The following TRHDE variants were observed in gnomAD, a reference collection of about 807,000 sequenced individuals.
TRHDE encodes the protein thyrotropin releasing hormone degrading enzyme, also known as thyrotropin-releasing hormone-degrading ectoenzyme.
Under a neutral mutation model 125.7 loss-of-function variants are expected in TRHDE, and 72 were observed. The ratio of observed to expected loss-of-function variants is 0.57; its 90% CI spans 0.47 to 0.70. The LOEUF is 0.70. Ranked by LOEUF, TRHDE falls within the 30% of genes least tolerant of loss-of-function variation. The probability of loss-of-function intolerance (pLI) is 0.00; values close to 1 mark genes in which losing one functional copy is unlikely to be tolerated. For synonymous variants in TRHDE, 509 were observed against 509.1 expected, an observed-to-expected ratio of 1.00 and a Z score of 0.00; for missense variants, 1,110 against 1,327.1, an observed-to-expected ratio of 0.84 and a Z score of 2.54.
intron 12 of TRHDE, among the ~76,000 whole-genome samples, chr12:72,585,137 A>G (rs1211517957): frequency 7.2e-5 from 11 of 152,232 alleles, no homozygotes; most frequent in Admixed American, 7.2e-4. Context: ...GTATGGGACT[A>G]TAGCCTCTAC....
chr12:72,554,398 T>G (rs1222405888), intron 7 of TRHDE, among the ~76,000 whole-genome samples: 1 of 152,196 alleles, frequency 6.6e-6, no homozygotes, highest in Non-Finnish European at 1.5e-5. Flanking sequence ...AAATTAAGGT[T>G]TAGAGAAAAT....
chr12:72,430,363 A>ACACACG (rs1874407953), intron 3 of TRHDE, among the ~76,000 whole-genome samples: 1 of 145,528 alleles, frequency 6.9e-6, no homozygotes, highest in Non-Finnish European at 1.5e-5. Flanking sequence ...ACATATATAC[A>ACACACG]TATATACGTA....
chr12:72,457,433 G>A (rs1256000243), intron 3 of TRHDE, among the ~76,000 whole-genome samples: 5 of 152,000 alleles, frequency 3.3e-5, no homozygotes, highest in African/African-American at 1.2e-4. Context: ...GTGAATTTCA[G>A]TATCTCCTGT....
intron 7 of TRHDE, among the ~76,000 whole-genome samples, chr12:72,561,563 C>T (rs565162143): frequency 6.7e-4 from 102 of 152,250 alleles, no homozygotes; most frequent in African/African-American, 2.1e-3. Flanking sequence ...ATGGCAAGTC[C>T]TAAGGCCCAA....
In TRHDE at chr12:72,562,187, A is replaced by G. The variant is rs1226508451; in HGVS notation, c.1811A>G (p.Tyr604Cys). Residue 604 changes from tyrosine to cysteine, a missense_variant, in exon 8 of 19, where the codon TAT becomes TGT. Around this residue, in one of 5 missense-constraint regions of TRHDE, gnomAD observed 527 missense variants for 651.8 expected, o/e 0.81. Transcript: ENST00000261180. ...GLQDYLTIHK[Y>C]GNAARNDLWN... Reference sequence around the variant, plus strand: ...TAGGATTATTTAACCATTCATAAGTATGGTAATGCAGCCAGAAATGATCTC... The same window carrying G: ...TAGGATTATTTAACCATTCATAAGTGTGGTAATGCAGCCAGAAATGATCTC... 1 of 1,563,016 alleles carries G rather than the reference A, an allele frequency of 6.4e-7. No individual in the cohort carries two copies. Among genetic ancestry groups the G allele is most frequent in the Non-Finnish European group, 8.8e-7 (1 of 1,138,496 alleles).
At chr12:72,185,554 T>C (rs1391835994) in intron 2 of TRHDE, among the ~76,000 whole-genome samples, 1 of 152,232 alleles carries the variant, frequency 6.6e-6, no homozygotes, top group Admixed American at 6.5e-5. Flanking sequence ...AGCTCAGGGA[T>C]TGTAAATACA....
intron 2 of TRHDE, among the ~76,000 whole-genome samples, chr12:72,146,293 G>A (rs1204299063): frequency 1.3e-5 from 2 of 152,156 alleles, no homozygotes; most frequent in Non-Finnish European, 2.9e-5. Context: ...ATATTAATAA[G>A]CTTGCAGAAA....
intron 2 of TRHDE, among the ~76,000 whole-genome samples, chr12:72,325,425 T>C (rs973973832): frequency 3.3e-5 from 5 of 152,152 alleles, no homozygotes; most frequent in Admixed American, 1.3e-4. Context: ...ACAGTTCTGT[T>C]TACCAAACAG....
intron 3 of TRHDE, among the ~76,000 whole-genome samples, chr12:72,409,035 A>G (rs532988971): frequency 9.3e-4 from 141 of 152,306 alleles, no homozygotes; most frequent in Middle Eastern, 3.4e-3. Flanking sequence ...TGGATTCAAG[A>G]TGCCCAACAA....
chr12:72,400,474 T>G (rs1872995011), intron 3 of TRHDE, among the ~76,000 whole-genome samples: 1 of 152,194 alleles, frequency 6.6e-6, no homozygotes, highest in Non-Finnish European at 1.5e-5. Context: ...CAGTGTAAAC[T>G]GGTGTTTTTT....
intron 2 of TRHDE, among the ~76,000 whole-genome samples, chr12:72,331,095 A>C (rs138762547): frequency 2.3e-4 from 35 of 152,340 alleles, no homozygotes; most frequent in African/African-American, 8.2e-4. Context: ...TTTGCTAAGC[A>C]ATTCACATCT....
intron 12 of TRHDE, among the ~76,000 whole-genome samples, chr12:72,601,772 T>C: frequency 6.6e-6 from 1 of 152,196 alleles, no homozygotes; most frequent in East Asian, 1.9e-4. Context: ...TATACATTCT[T>C]TCTTTAGATA....
At chr12:72,638,720 C>A (rs916976848) in intron 15 of TRHDE, among the ~76,000 whole-genome samples, 1 of 151,796 alleles carries the variant, frequency 6.6e-6, no homozygotes, top group Non-Finnish European at 1.5e-5. Flanking sequence ...AATCTCTCAG[C>A]ATTTGCTTGT....
intron 6 of TRHDE, among the ~76,000 whole-genome samples, chr12:72,500,735 A>G (rs1029794626): frequency 7.2e-5 from 11 of 152,068 alleles, no homozygotes; most frequent in African/African-American, 2.4e-4. Flanking sequence ...AAAAGATATC[A>G]TGAATAACCG....
intron 2 of TRHDE, among the ~76,000 whole-genome samples, chr12:72,158,315 A>C (rs1876563289): frequency 6.6e-6 from 1 of 151,860 alleles, no homozygotes; most frequent in Non-Finnish European, 1.5e-5. Flanking sequence ...CCGTGAATCT[A>C]AAATAAAAGT....
intron 7 of TRHDE, among the ~76,000 whole-genome samples, chr12:72,544,935 A>G (rs1565785118): frequency 6.6e-6 from 1 of 151,496 alleles, no homozygotes; most frequent in African/African-American, 2.4e-5. Context: ...ATTTAAACAT[A>G]TATTTTTCAG....
At chr12:72,272,033 C>T (rs1219738769), upstream of TRHDE, 2 of 457,104 alleles carry the variant, frequency 4.4e-6, no homozygotes, top group Non-Finnish European at 8.8e-6. The surrounding 1 kb of genome is among the most constrained non-coding windows in gnomAD (Gnocchi z 6.7). Flanking sequence ...TGCTGGTTCA[C>T]TCTAGTCTCT....
chr12:72,530,098 C>G (rs1246502390), intron 6 of TRHDE, among the ~76,000 whole-genome samples: 2 of 152,066 alleles, frequency 1.3e-5, no homozygotes, highest in Admixed American at 6.6e-5. Flanking sequence ...TTTTCCTTCT[C>G]TACTCAATTA....
At chr12:72,374,124 G>T (rs536642097) in intron 2 of TRHDE, among the ~76,000 whole-genome samples, 1 of 152,150 alleles carries the variant, frequency 6.6e-6, no homozygotes, top group Admixed American at 6.6e-5. Flanking sequence ...GTTGGATTCT[G>T]GATGTATTGT....
Sources: gnomAD v4.1 joint callset for allele counts (sites outside exome capture counted in the v4.1 genomes callset) on GRCh38, gnomAD v4.1.1 for gene constraint, gnomAD v4.1.1 regional missense constraint, Gnocchi (gnomAD v3.1) non-coding constraint, MANE v1.5 for transcripts, NCBI Gene and HGNC (gene_info 2026-07-23, HGNC 2026-07-21) for gene names.